The following CACNB2 variants were observed in gnomAD, a reference collection of about 807,000 sequenced individuals.
CACNB2 encodes the protein calcium voltage-gated channel auxiliary subunit beta 2.
CACNB2 carries 42 observed loss-of-function variants against 73.3 expected under a neutral mutation model. The observed-to-expected ratio is 0.57, with a 90% CI of 0.45 to 0.74. The LOEUF is 0.74. Among genes scored for constraint, CACNB2 ranks in the 30% least tolerant of loss-of-function variants. CACNB2 has a pLI of 0.00. For missense variants in CACNB2, 940 were observed against 853.0 expected, an observed-to-expected ratio of 1.10 and a Z score of -1.27; for synonymous variants, 348 against 310.3, an observed-to-expected ratio of 1.12 and a Z score of -1.28.
intron 2 of CACNB2, among the ~76,000 whole-genome samples, chr10:18,315,331 CA>C (rs869296665): frequency 8.6e-6 from 1 of 116,728 alleles, no homozygotes; most frequent in Non-Finnish European, 1.9e-5. Context: ...GAGACTCTGT[CA>C]AAAACAAAAC....
chr10:18,153,603 A>T (rs1410452162), intron 2 of CACNB2, among the ~76,000 whole-genome samples: 1 of 104,786 alleles, frequency 9.5e-6, no homozygotes, highest in Non-Finnish European at 1.9e-5. Flanking sequence ...TATTTTTGAG[A>T]CAGGGTCTCA....
At chr10:18,191,551 T>C (rs2034397110) in intron 2 of CACNB2, among the ~76,000 whole-genome samples, 1 of 152,212 alleles carries the variant, frequency 6.6e-6, no homozygotes, top group South Asian at 2.1e-4. Context: ...CTGAGCATTA[T>C]ATACTGTACC....
chr10:18,360,205 A>G (rs1356934590), intron 2 of CACNB2, among the ~76,000 whole-genome samples: 1 of 152,162 alleles, frequency 6.6e-6, no homozygotes, highest in African/African-American at 2.4e-5. Context: ...TAAAGGAGGA[A>G]ACTGAGGCAC....
chr10:18,494,631 C>CAAAA (rs909672661), intron 3 of CACNB2, among the ~76,000 whole-genome samples: 3 of 61,800 alleles, frequency 4.9e-5, no homozygotes, highest in Non-Finnish European at 7.1e-5. Flanking sequence ...GACTCCGTCT[C>CAAAA]AAAAAAAAAA....
chr10:18,293,227 G>A (rs1456207254), intron 2 of CACNB2, among the ~76,000 whole-genome samples: 1 of 152,066 alleles, frequency 6.6e-6, no homozygotes, highest in African/African-American at 2.4e-5. Context: ...TTTTAATAAT[G>A]GATACTTTTT....
At chr10:18,498,925 G>T in intron 4 of CACNB2, 1 of 178,808 alleles carries the variant, frequency 5.6e-6, no homozygotes, top group Non-Finnish European at 1.2e-5. Flanking sequence ...CTCCTTAAAT[G>T]CTAAATTTCT....
intron 2 of CACNB2, among the ~76,000 whole-genome samples, chr10:18,188,831 C>A (rs140808895): frequency 2.6e-5 from 4 of 152,088 alleles, no homozygotes; most frequent in Non-Finnish European, 4.4e-5. Flanking sequence ...ATAGTGAGAT[C>A]ACCACTGTTA....
intron 2 of CACNB2, among the ~76,000 whole-genome samples, chr10:18,202,620 T>A (rs1340094928): frequency 1.3e-5 from 2 of 152,348 alleles, no homozygotes; most frequent in East Asian, 1.9e-4. Flanking sequence ...TTTAGTATAG[T>A]TCCTGGAACA....
intron 12 of CACNB2, 126 bp from the exon 13 acceptor site, chr10:18,538,054 C>CACTT: frequency 1.1e-6 from 1 of 870,866 alleles, no homozygotes; most frequent in South Asian, 1.3e-5. Context: ...ATAGTAGCAG[C>CACTT]ACTTATAGAA....
chr10:18,152,724 A>AAAC (rs2031683157), intron 2 of CACNB2, among the ~76,000 whole-genome samples: 1 of 131,864 alleles, frequency 7.6e-6, no homozygotes, highest in African/African-American at 3.3e-5. Flanking sequence ...AAAAAAAAAA[A>AAAC]AAAAAAAACA....
At chr10:18,397,275 C>T (rs1042458242) in intron 2 of CACNB2, among the ~76,000 whole-genome samples, 12 of 144,522 alleles carry the variant, frequency 8.3e-5, no homozygotes, top group South Asian at 2.3e-4. Context: ...AAGACCAGAC[C>T]GGTCAACATG....
intron 3 of CACNB2, among the ~76,000 whole-genome samples, chr10:18,496,101 G>T (rs970293186): frequency 6.8e-6 from 1 of 146,446 alleles, no homozygotes; most frequent in Non-Finnish European, 1.5e-5. Context: ...TAGAAGAATC[G>T]CTTGAACCTG....
At chr10:18,490,247 T>A (rs2049331730) in intron 3 of CACNB2, among the ~76,000 whole-genome samples, 1 of 152,220 alleles carries the variant, frequency 6.6e-6, no homozygotes, top group Non-Finnish European at 1.5e-5. Context: ...CGAATTTATT[T>A]TGAGGATCTG....
At chr10:18,271,672 C>T (rs1030808290) in intron 2 of CACNB2, among the ~76,000 whole-genome samples, 1 of 152,106 alleles carries the variant, frequency 6.6e-6, no homozygotes, top group Non-Finnish European at 1.5e-5. Flanking sequence ...TCTGAAGCAG[C>T]CTTTTGTGTT....
chr10:18,453,261 A>C (rs1366387351), intron 3 of CACNB2, among the ~76,000 whole-genome samples: 1 of 152,060 alleles, frequency 6.6e-6, no homozygotes, highest in Non-Finnish European at 1.5e-5. Flanking sequence ...CTACCTAAAA[A>C]CCTATTGTGA....
intron 3 of CACNB2, among the ~76,000 whole-genome samples, chr10:18,470,196 T>C (rs770047976): frequency 1.3e-5 from 2 of 151,386 alleles, no homozygotes; most frequent in African/African-American, 4.8e-5. Context: ...TAAAAAGAAA[T>C]GTATTCAGGG....
chr10:18,179,243 AG>A (rs1231196310), intron 2 of CACNB2, among the ~76,000 whole-genome samples: 1 of 152,174 alleles, frequency 6.6e-6, no homozygotes, highest in East Asian at 1.9e-4. Context: ...GGACAGAAAA[AG>A]AAAGGGTTTA....
intron 2 of CACNB2, among the ~76,000 whole-genome samples, chr10:18,187,134 A>G (rs1703461580): frequency 6.6e-6 from 1 of 152,046 alleles, no homozygotes; most frequent in African/African-American, 2.4e-5. Context: ...GCTTGAGCTG[A>G]GAGGCAACAC....
intron 2 of CACNB2, among the ~76,000 whole-genome samples, chr10:18,191,015 G>C (rs1378229952): frequency 6.6e-6 from 1 of 152,242 alleles, no homozygotes; most frequent in African/African-American, 2.4e-5. Context: ...CGCGCAAGCT[G>C]TGAATAGGCT....
Sources: allele counts gnomAD v4.1 joint callset (sites outside exome capture counted in the v4.1 genomes callset), GRCh38; gene constraint gnomAD v4.1.1; transcripts MANE v1.5; gene names NCBI Gene and HGNC (gene_info 2026-07-23, HGNC 2026-07-21).